Variants in LAMA5 observed in about 807,000 individuals in gnomAD.
LAMA5 encodes the protein laminin subunit alpha 5.
Under a neutral mutation model 433.4 loss-of-function variants are expected in LAMA5, and 260 were observed. The observed-to-expected ratio is 0.60, with a 90% CI of 0.54 to 0.66. The LOEUF is 0.66. Ranked by LOEUF, LAMA5 falls within the 30% of genes least tolerant of loss-of-function variation. The pLI, the probability that LAMA5 is intolerant of heterozygous loss-of-function variation, is 0.00. For missense variants in LAMA5, 5,378 were observed against 5,258.5 expected, an observed-to-expected ratio of 1.02 and a Z score of -0.70; for synonymous variants, 2,620 against 2,226.6, an observed-to-expected ratio of 1.18 and a Z score of -4.97.
chr20:62,340,404 C>T (rs1475401642), intron 11 of LAMA5, among the ~76,000 whole-genome samples: 5 of 150,066 alleles, frequency 3.3e-5, no homozygotes, highest in African/African-American at 9.8e-5. Flanking sequence ...CCCTACCTCC[C>T]GGGTTCGAGC....
Position 62,337,875 on chromosome 20 carries a change from C to G in LAMA5, c.1955G>C (p.Cys652Ser). Residue 652 changes from cysteine (C) to serine (S), a missense_variant, in exon 15 of 80, where the codon TGC becomes TCC. Cys to Ser is a moderately radical substitution (Grantham distance 112). Transcript: ENST00000252999. ...QLCGAGGLCR[C>S]RPGYTGTACQ... ...GGCAGTGCCTGTGTAGCCGGGGCGG[C>G]AGCGGCACAAACCTCCCGCCCCACA... The G allele has an allele frequency of 6.2e-7, 1 of 1,612,582 alleles. No individual in the cohort carries two copies. Among genetic ancestry groups the G allele is most frequent in the South Asian group, 1.1e-5 (1 of 91,074 alleles).
intron 30 of LAMA5, 36 bp downstream of exon 30, chr20:62,330,707 T>C (rs1299205593): frequency 4.5e-6 from 7 of 1,555,598 alleles, no homozygotes; most frequent in Non-Finnish European, 6.1e-6. Context: ...AGTCCTGCCC[T>C]GACACCCCCG....
In LAMA5 at chr20:62,309,989, C is replaced by G. The variant is rs747335584; in HGVS notation, c.10827G>C (p.Ala3609=). ...VLCDGQWHRL[A]VMKSGNVLRL... is the part of the protein sequence containing the mutation. ...CCCTGGCCACAGGAGGGGCCTCACC[C>G]GCTAGCCGGTGCCACTGGCCATCAC... The change falls in exon 78 of 80, where the codon GCG becomes GCC. Residue 3609 remains alanine (A), a splice_region_variant and synonymous_variant. Coordinates refer to ENST00000252999, the MANE Select transcript of LAMA5 (RefSeq NM_005560.6). 2.5e-6 allele frequency: 4 copies of G among 1,610,220 alleles called. No homozygotes were observed. The highest frequency in any genetic ancestry group is 3.4e-6 in the Non-Finnish European group (4 of 1,179,460).
Position 62,311,796 on chromosome 20 carries a change from G to T in LAMA5, c.9636-12C>A, listed in dbSNP as rs762128455. 4 of 1,556,810 alleles carry T rather than the reference G, an allele frequency of 2.6e-6. No homozygotes were observed. The highest frequency in any genetic ancestry group is 2.6e-6 in the Non-Finnish European group (3 of 1,152,372). On this transcript the variant is annotated splice_polypyrimidine_tract_variant and intron_variant, in intron 70 of 79. Transcript: ENST00000252999. ...CATACAGCCAGACTCTGGGGGGCGGGAGGCCGGAGGCTCGGTTTTTCCCCA... is the reference window on the plus strand; with the variant it reads ...CATACAGCCAGACTCTGGGGGGCGGTAGGCCGGAGGCTCGGTTTTTCCCCA...
chr20:62,312,567 C>T (rs756473120), intron 67 of LAMA5, 35 bp from the exon 68 acceptor site: 1 of 1,599,134 alleles, frequency 6.3e-7, no homozygotes, highest in Non-Finnish European at 8.5e-7. Context: ...CAGGGCGCCA[C>T]CTCCAAGCCC....
intron 31 of LAMA5, among the ~76,000 whole-genome samples, chr20:62,330,275 C>T (rs1051663298): frequency 2.6e-5 from 4 of 152,272 alleles, no homozygotes; most frequent in African/African-American, 4.8e-5. Context: ...GGCTTCCCAA[C>T]GCACGAGACA....
chr20:62,343,113 T>C (rs775316966), intron 11 of LAMA5, among the ~76,000 whole-genome samples: 4 of 152,242 alleles, frequency 2.6e-5, no homozygotes, highest in Non-Finnish European at 5.9e-5. Flanking sequence ...CACTCATGAA[T>C]ACGCGTTCTA....
chr20:62,365,138 C>T (rs1028516000), intron 1 of LAMA5, among the ~76,000 whole-genome samples: 1 of 152,230 alleles, frequency 6.6e-6, no homozygotes, highest in African/African-American at 2.4e-5. Flanking sequence ...GCTCAGAGCT[C>T]GAGACTTTGG....
Position 62,338,239 on chromosome 20 carries a change from G to T in LAMA5, c.1749C>A (p.Leu583=). 1.3e-6 allele frequency: 2 copies of T among 1,596,680 alleles called. No individual in the cohort carries two copies. Among genetic ancestry groups the T allele is most frequent in the Non-Finnish European group, 1.7e-6 (2 of 1,170,722 alleles). The change falls in exon 13 of 80, where the codon CTC becomes CTA. Residue 583 remains leucine, a synonymous_variant. Transcript: ENST00000252999. ...RCAPGYFHFP[L]CQLCGCSPAG... is the part of the protein sequence containing the mutation. ...TGGAGAGGCACCACTCACACTGGCA[G>T]AGAGGGAAGTGAAAGTAGCCGGGGG...
intron 2 of LAMA5, 146 bp downstream of exon 2, chr20:62,362,254 C>T (rs1986214329): frequency 2.6e-6 from 2 of 764,696 alleles, no homozygotes; most frequent in Admixed American, 4.1e-5. Flanking sequence ...TGGGGACTCC[C>T]CCCACCAAGT....
At position 62,336,716 on chromosome 20, in the gene LAMA5, G is replaced by A. The variant is rs761359570; in HGVS notation, c.2217+18C>T. ...GGGTCCTCACCCATCTCCCACACAC[G>A]AGCAGACTTGGGCTCACCTCAGGAA... On this transcript the variant is annotated intron_variant, in intron 17 of 79. Transcript: ENST00000252999. The A allele has an allele frequency of 1.9e-5, 31 of 1,612,160 alleles. No individual in the cohort carries two copies. The highest frequency in any genetic ancestry group is 2.3e-5 in the Non-Finnish European group (27 of 1,179,336).
Position 62,358,949 on chromosome 20 carries a change from C to T in LAMA5, c.450+3451G>A, listed in dbSNP as rs909711647. Reference sequence around the variant, plus strand: ...CCATCCCCAGGGGCACAGGCCCTCACCTGGCACTGCTCGCCCCCAACCAAT... The same window carrying T: ...CCATCCCCAGGGGCACAGGCCCTCATCTGGCACTGCTCGCCCCCAACCAAT... On this transcript the variant is annotated intron_variant, in intron 2 of 79. Coordinates refer to ENST00000252999, the MANE Select transcript of LAMA5 (RefSeq NM_005560.6). 5.7e-4 allele frequency among the ~76,000 whole-genome samples: 87 copies of T among 152,150 alleles called. 1 individual carries two copies. Among genetic ancestry groups the T allele is most frequent in the African/African-American group, 2.0e-3 (84 of 41,430 alleles).
Position 62,346,613 on chromosome 20 carries a change from C to T in LAMA5, c.1192-17G>A, listed in dbSNP as rs764422605. ...GGTGTGGTGCTGGGAGTGCAATGGCCGTTGAGTCTGGGGAGGTCCCTGCCC... is the reference window on the plus strand; with the variant it reads ...GGTGTGGTGCTGGGAGTGCAATGGCTGTTGAGTCTGGGGAGGTCCCTGCCC... On this transcript the variant is annotated splice_polypyrimidine_tract_variant and intron_variant, in intron 8 of 79. Coordinates refer to ENST00000252999, the MANE Select transcript of LAMA5 (RefSeq NM_005560.6). 1.4e-5 allele frequency: 23 copies of T among 1,610,026 alleles called. No homozygotes were observed. The highest frequency in any genetic ancestry group is 4.5e-5 in the East Asian group (2 of 44,766).
intron 40 of LAMA5, among the ~76,000 whole-genome samples, chr20:62,325,802 G>T (rs1016545888): frequency 2.0e-5 from 3 of 152,162 alleles, no homozygotes; most frequent in African/African-American, 7.2e-5. Context: ...GCTTCTAGAA[G>T]AAAACATAGG....
rs28372949 is a variant in LAMA5, at chr20:62,352,557, G to C, written c.569-197C>G. Among the ~76,000 whole-genome samples the C allele has an allele frequency of 0.11, 16,369 of 152,008 alleles. 1,328 individuals carry two copies. Among genetic ancestry groups the C allele is most frequent in the African/African-American group, 0.22 (9,310 of 41,450 alleles). ...GCACTGCCCCCCACCGCTCTCCCTT[G>C]CACGCTTTGAGTGCGAGTGACCCCC... On this transcript the variant is annotated intron_variant, in intron 3 of 79. Coordinates refer to ENST00000252999, the MANE Select transcript of LAMA5 (RefSeq NM_005560.6).
chr20:62,367,222 C>G lies in LAMA5; in HGVS notation c.24G>C (p.Gly8=). The change falls in exon 1 of 80, where the codon GGG becomes GGC. Residue 8 remains glycine (G), a synonymous_variant. Transcript: ENST00000252999. MAKRLCA[G]SALCVRGPRG... ...GGGGGCCGCGAACACACAGTGCGCT[C>G]CCCGCGCAGAGCCGCTTCGCCATCT... 1 of 1,204,666 alleles carries G rather than the reference C, an allele frequency of 8.3e-7. No individual in the cohort carries two copies. The highest frequency in any genetic ancestry group is 1.0e-6 in the Non-Finnish European group (1 of 971,646). 74.6% of individuals were successfully genotyped at this position (1,204,666 alleles called of 1,614,324 possible).
In LAMA5 at chr20:62,310,324, GT is replaced by G. The variant is rs1443963514; in HGVS notation, c.10601-14del. Reference sequence around the variant, plus strand: ...GCTCCTGGGAGGTCTGCGGGGAGGGGTTGTGATGGAGAAGAAAGGGGGGGCC... The same window carrying G: ...GCTCCTGGGAGGTCTGCGGGGAGGGGTGTGATGGAGAAGAAAGGGGGGGCC... On this transcript the variant is annotated splice_polypyrimidine_tract_variant and intron_variant, in intron 76 of 79. Transcript: ENST00000252999. 1 of 1,590,624 alleles carries G rather than the reference GT, an allele frequency of 6.3e-7. No individual in the cohort carries two copies. The highest frequency in any genetic ancestry group is 2.2e-5 in the East Asian group (1 of 44,642).
chr20:62,312,592 A>C (rs1568894306), intron 67 of LAMA5, 40 bp downstream of exon 67: 1 of 1,600,264 alleles, frequency 6.2e-7, no homozygotes, highest in Non-Finnish European at 8.5e-7. Flanking sequence ...TACCGCCCCA[A>C]CAGCCTGGCC....
At position 62,320,601 on chromosome 20, in the gene LAMA5, C is replaced by G. The variant is rs1413865488; in HGVS notation, c.6717G>C (p.Gln2239His). Residue 2239 changes from glutamine (Q) to histidine (H), a missense_variant, in exon 50 of 80, where the codon CAG becomes CAC. By Grantham distance (24) the Gln-to-His change is conservative. Transcript: ENST00000252999. ...TAQQLEVLEQ[Q>H]STSLGQDARR... ...GTGCGTCCTGCCCGAGGCTTGTGCT[C>G]TGCTGCTCCAGCACCTCCAGCTGCT... 6.2e-7 allele frequency: 1 copy of G among 1,606,826 alleles called. No individual in the cohort carries two copies. Among genetic ancestry groups the G allele is most frequent in the Non-Finnish European group, 8.5e-7 (1 of 1,178,964 alleles).
Sources: gnomAD v4.1 joint callset for allele counts (sites outside exome capture counted in the v4.1 genomes callset) on GRCh38, gnomAD v4.1.1 for gene constraint, MANE v1.5 for transcripts, NCBI Gene and HGNC (gene_info 2026-07-23, HGNC 2026-07-21) for gene names.